Variants in ELMO1 observed in about 807,000 individuals in gnomAD.
ELMO1 encodes engulfment and cell motility protein 1.
Under a neutral mutation model 98.9 loss-of-function variants are expected in ELMO1, and 26 were observed. The observed-to-expected ratio is 0.26, with a 90% CI of 0.19 to 0.36. The LOEUF (loss-of-function observed/expected upper bound fraction) is 0.36. Ranked by LOEUF, ELMO1 falls within the 10% of genes least tolerant of loss-of-function variation. ELMO1 has a pLI of 1.00. For missense variants in ELMO1, 627 were observed against 935.2 expected (o/e 0.67, Z 4.30); for synonymous variants, 346 against 346.0 (o/e 1.00, Z 0.00).
intron 1 of ELMO1, among the ~76,000 whole-genome samples, chr7:37,369,155 A>G (rs908401740): frequency 9.8e-5 from 15 of 152,342 alleles, no homozygotes; most frequent in African/African-American, 3.4e-4. Flanking sequence ...TATAGTCTGG[A>G]GGACTTTCAC....
intron 16 of ELMO1, among the ~76,000 whole-genome samples, chr7:36,949,780 T>C (rs1787816032): frequency 6.6e-6 from 1 of 151,992 alleles, no homozygotes; most frequent in Non-Finnish European, 1.5e-5. Context: ...CTCTGCTCAC[T>C]AGATACCAGT....
intron 1 of ELMO1, among the ~76,000 whole-genome samples, chr7:37,364,882 G>A (rs1240960496): frequency 6.6e-6 from 1 of 152,194 alleles, no homozygotes; most frequent in Admixed American, 6.5e-5. Flanking sequence ...AACTCTTTGT[G>A]CCAAGGCACT....
chr7:37,017,431 A>G (rs1794004155), intron 15 of ELMO1, among the ~76,000 whole-genome samples: 1 of 152,214 alleles, frequency 6.6e-6, no homozygotes, highest in Admixed American at 6.5e-5. Context: ...GTGCCCAGCT[A>G]AAAAAGTACA....
intron 4 of ELMO1, among the ~76,000 whole-genome samples, chr7:37,305,327 G>C (rs572292676): frequency 9.1e-4 from 139 of 152,306 alleles, no homozygotes; most frequent in African/African-American, 3.2e-3. Context: ...CTGTATTACT[G>C]TTTGATGATC....
chr7:37,025,795 T>C (rs1015297952), intron 15 of ELMO1, among the ~76,000 whole-genome samples: 2 of 151,536 alleles, frequency 1.3e-5, no homozygotes, highest in Non-Finnish European at 2.9e-5. Flanking sequence ...TAATGATAAA[T>C]CTCATATATA....
rs1252450504 is a variant in ELMO1, at chr7:37,216,660, A to G, written c.816T>C (p.Arg272=). The change falls in exon 11 of 22, where the codon CGT becomes CGC. Residue 272 remains arginine, a synonymous_variant. Coordinates refer to ENST00000310758, the MANE Select transcript of ELMO1 (RefSeq NM_014800.11). ...AGGTACTCACTGTTAAAATGATGGA[A>G]CGCAGTTGCTTCTGAGCCAAAATAT... is the stretch of plus-strand genomic sequence containing the variant. The part of the protein sequence containing the change: ...MANILAQKQL[R]SIILTHVIRA... 6.2e-7 allele frequency: 1 copy of G among 1,614,008 alleles called. No homozygotes were observed. The highest frequency in any genetic ancestry group is 1.3e-5 in the African/African-American group (1 of 74,906).
chr7:36,990,830 T>C (rs553057637), intron 16 of ELMO1, among the ~76,000 whole-genome samples: 5 of 152,328 alleles, frequency 3.3e-5, no homozygotes, highest in South Asian at 2.1e-4. Context: ...GTGACTATTA[T>C]AGAATAATTT....
intron 19 of ELMO1, 44 bp downstream of exon 19, chr7:36,877,966 C>G: frequency 6.7e-7 from 1 of 1,486,652 alleles, no homozygotes; most frequent in Non-Finnish European, 9.4e-7. Flanking sequence ...TAGGAAACAA[C>G]CAACCGACCA....
intron 13 of ELMO1, among the ~76,000 whole-genome samples, chr7:37,180,082 C>T (rs537254651): frequency 5.8e-4 from 89 of 152,238 alleles, no homozygotes; most frequent in Non-Finnish European, 1.0e-3. Context: ...CAAAGGGCTG[C>T]ACAATGTGCT....
intron 16 of ELMO1, 99 bp from the exon 17 acceptor site, chr7:36,895,116 C>G (rs1463488665): frequency 7.4e-7 from 1 of 1,355,590 alleles, no homozygotes; most frequent in East Asian, 2.3e-5. Context: ...CTGGTGCCCT[C>G]TGCACGCATG....
rs116560852 is a variant in ELMO1 at position 37,214,797 on chromosome 7, G to A, written c.832-1340C>T. On this transcript the variant is annotated intron_variant, in intron 11 of 21. Transcript: ENST00000310758. ...CTTTTCTTAGCAACTCGAAAGTACT[G>A]CACTCCAAGTTCTTGCAGGAGAGTA... 6.8e-3 allele frequency among the ~76,000 whole-genome samples: 1,032 copies of A among 152,296 alleles called. 13 individuals are homozygous for A. The highest frequency in any genetic ancestry group is 0.024 in the African/African-American group (999 of 41,548).
At chr7:37,246,381 T>C (rs1330214516) in intron 6 of ELMO1, among the ~76,000 whole-genome samples, 4 of 152,188 alleles carry the variant, frequency 2.6e-5, no homozygotes, top group East Asian at 1.9e-4. Flanking sequence ...TACAAACTTT[T>C]CATGAATTAG....
At chr7:37,165,079 T>TTAA (rs1180666965) in intron 13 of ELMO1, among the ~76,000 whole-genome samples, 1 of 152,218 alleles carries the variant, frequency 6.6e-6, no homozygotes, top group East Asian at 1.9e-4. Context: ...TTCTTAGGTA[T>TTAA]TTTATTCTCT....
chr7:37,418,060 G>C (rs1731990), intron 1 of ELMO1, among the ~76,000 whole-genome samples: 1 of 152,004 alleles, frequency 6.6e-6, no homozygotes, highest in African/African-American at 2.4e-5. Flanking sequence ...AAATCTGCAT[G>C]GTTTTAAGCC....
intron 20 of ELMO1, among the ~76,000 whole-genome samples, chr7:36,864,713 C>G (rs1298138951): frequency 1.3e-5 from 2 of 152,174 alleles, no homozygotes; most frequent in African/African-American, 4.8e-5. Context: ...TCTGTGCCCC[C>G]CTCAGGGCCT....
At chr7:37,222,510 A>C in intron 10 of ELMO1, 105 bp downstream of exon 10, 1 of 1,117,608 alleles carries the variant, frequency 8.9e-7, no homozygotes, top group Middle Eastern at 2.0e-4. Context: ...TGTGGCCAGG[A>C]TAGCAGAGAG....
At chr7:36,952,742 G>A (rs566994838) in intron 16 of ELMO1, among the ~76,000 whole-genome samples, 1 of 152,218 alleles carries the variant, frequency 6.6e-6, no homozygotes, top group Non-Finnish European at 1.5e-5. Flanking sequence ...TCTCAAGAGA[G>A]GTCCACTTAC....
At chr7:37,019,871 T>A (rs1794166972) in intron 15 of ELMO1, among the ~76,000 whole-genome samples, 1 of 152,218 alleles carries the variant, frequency 6.6e-6, no homozygotes, top group Non-Finnish European at 1.5e-5. Flanking sequence ...TTTGCTGATA[T>A]CTCATTCACT....
In ELMO1 at chr7:37,421,540, T is replaced by C. The variant is rs116353344; in HGVS notation, c.-74+27135A>G. 7.1e-3 allele frequency among the ~76,000 whole-genome samples: 1,086 copies of C among 152,322 alleles called. 21 individuals are homozygous for C. The highest frequency in any genetic ancestry group is 0.024 in the African/African-American group (1,018 of 41,570). Reference sequence around the variant, plus strand: ...TGCTATAAATCTTTCCCTGTGAGGATAGTCCTCATGATATCAAAGCTAAGA... The same window carrying C: ...TGCTATAAATCTTTCCCTGTGAGGACAGTCCTCATGATATCAAAGCTAAGA... On this transcript the variant is annotated intron_variant, in intron 1 of 21. Transcript: ENST00000310758.
Sources: allele counts gnomAD v4.1 joint callset (sites outside exome capture counted in the v4.1 genomes callset), GRCh38; gene constraint gnomAD v4.1.1; transcripts MANE v1.5; gene names NCBI Gene and HGNC (gene_info 2026-07-23, HGNC 2026-07-21).